The following ADRA1B variants were observed in gnomAD, a reference collection of about 807,000 sequenced individuals.
ADRA1B encodes the protein adrenoceptor alpha 1B.
In ADRA1B, 17 loss-of-function variants were observed where a neutral mutation model predicts 17.9. The ratio of observed to expected loss-of-function variants is 0.95; its 90% CI spans 0.65 to 1.42. ADRA1B has a LOEUF of 1.42. ADRA1B is among the 40% of genes most tolerant of loss of function. ADRA1B has a pLI of 0.00. For missense variants in ADRA1B, 681 were observed against 722.1 expected (o/e 0.94, Z 0.65); for synonymous variants, 366 against 327.6 (o/e 1.12, Z -1.27).
intron 1 of ADRA1B, among the ~76,000 whole-genome samples, chr5:159,898,261 A>T (rs1391816813): frequency 6.6e-6 from 1 of 152,184 alleles, no homozygotes; most frequent in African/African-American, 2.4e-5. Context: ...CCTGCATATC[A>T]CTGGTTCCCT....
chr5:159,945,761 T>C (rs1276036238), intron 1 of ADRA1B, among the ~76,000 whole-genome samples: 1 of 151,382 alleles, frequency 6.6e-6, no homozygotes, highest in East Asian at 1.9e-4. Context: ...TGTTTTTTTT[T>C]TTTTGAGACG....
chr5:159,971,879 GCTCCTTGTTCTCCACCCTGAAGCCCC>G lies in ADRA1B; in HGVS notation c.952_977del (p.Ser318ArgfsTer134). On this transcript the variant is annotated frameshift_variant and splice_region_variant, in exon 2 of 2. Transcript: ENST00000306675. LOFTEE classifies it low-confidence loss of function (END_TRUNC). ...GTGCCCACCCCCCTCCCCACTGCAG[GCTCCTTGTTCTCCACCCTGAAGCCCC>G]CCGACGCCGTGTTCAAGGTGGTGTT... is the stretch of plus-strand genomic sequence containing the variant. 1 of 1,328,032 alleles carries G rather than the reference GCTCCTTGTTCTCCACCCTGAAGCCCC, an allele frequency of 7.5e-7. No individual in the cohort carries two copies. The allele number at this position is 1,328,032 out of a possible 1,614,324, so 82.3% of individuals were successfully genotyped here. A position where few individuals can be genotyped will look rare whatever the true frequency, so the allele number is the denominator to read the frequency against.
intron 1 of ADRA1B, among the ~76,000 whole-genome samples, chr5:159,889,312 G>A (rs1275860826): frequency 6.6e-6 from 1 of 152,056 alleles, no homozygotes; most frequent in East Asian, 1.9e-4. Flanking sequence ...TCCAATTCAA[G>A]GTCTATCCTC....
At chr5:159,910,356 C>T (rs1007422728) in intron 1 of ADRA1B, among the ~76,000 whole-genome samples, 1 of 152,222 alleles carries the variant, frequency 6.6e-6, no homozygotes, top group African/African-American at 2.4e-5. Context: ...GGGATTCAAA[C>T]TCAGAATCTG....
At chr5:159,916,262 G>C (rs1283536648), upstream of ADRA1B, 2 of 151,262 alleles carry the variant, frequency 1.3e-5, no homozygotes, top group Non-Finnish European at 3.0e-5. Context: ...AGGGGTGGGT[G>C]ACCCGCGATC....
intron 1 of ADRA1B, among the ~76,000 whole-genome samples, chr5:159,906,842 G>A (rs550102942): frequency 6.6e-6 from 1 of 152,302 alleles, no homozygotes; most frequent in South Asian, 2.1e-4. Context: ...GAGAGCTCCA[G>A]ACTGAATACT....
At chr5:159,973,264 G>C (rs1319505029), downstream of ADRA1B, among the ~76,000 whole-genome samples, 1 of 152,184 alleles carries the variant, frequency 6.6e-6, no homozygotes, top group African/African-American at 2.4e-5. Flanking sequence ...GGCTGAACGT[G>C]ACGCCCTGGA....
At chr5:159,924,299 G>A (rs569232516) in intron 1 of ADRA1B, among the ~76,000 whole-genome samples, 1 of 152,278 alleles carries the variant, frequency 6.6e-6, no homozygotes, top group South Asian at 2.1e-4. Context: ...GCGTGTGTAT[G>A]TGTGTGTTGA....
chr5:159,909,220 A>G lies in ADRA1B; in HGVS notation c.-255-6899A>G, dbSNP rs189847736. ...GCTCCCCGTTCCCAAGTCATGCCAC[A>G]TGCTATTTCCCAAGCAAGCCCACAC... On this transcript the variant is annotated intron_variant, in intron 1 of 2. Coordinates refer to the ADRA1B transcript ENST00000641205. Among the ~76,000 whole-genome samples the G allele has an allele frequency of 1.1e-3, 164 of 152,236 alleles. 1 individual carries two copies. The highest frequency in any genetic ancestry group is 3.7e-3 in the African/African-American group (154 of 41,540).
At chr5:159,934,411 C>T (rs563524784) in intron 1 of ADRA1B, among the ~76,000 whole-genome samples, 22 of 152,200 alleles carry the variant, frequency 1.4e-4, no homozygotes, top group African/African-American at 5.3e-4. Flanking sequence ...CGCCTTCCCA[C>T]CCCCTCGTCT....
chr5:159,944,081 C>A (rs530291789), intron 1 of ADRA1B, among the ~76,000 whole-genome samples: 4 of 152,204 alleles, frequency 2.6e-5, no homozygotes, highest in Non-Finnish European at 4.4e-5. Context: ...CTTACAGAGA[C>A]CATTTTCACC....
upstream of ADRA1B, chr5:159,916,064 C>T (rs1307815277): frequency 1.3e-5 from 2 of 152,318 alleles, no homozygotes; most frequent in African/African-American, 4.8e-5. Flanking sequence ...GGCCTCAGAT[C>T]CGACTCAAGT....
intron 1 of ADRA1B, among the ~76,000 whole-genome samples, chr5:159,889,014 T>C (rs984007613): frequency 6.6e-6 from 1 of 152,230 alleles, no homozygotes. Context: ...TGAGCTTCTA[T>C]GACTGAAGAC....
upstream of ADRA1B, among the ~76,000 whole-genome samples, chr5:159,911,573 G>C (rs1178801019): frequency 6.6e-6 from 1 of 152,180 alleles, no homozygotes; most frequent in African/African-American, 2.4e-5. Flanking sequence ...TGCCTTACCA[G>C]GGAGTGCTGT....
chr5:159,884,634 A>C (rs2113094000), intron 1 of ADRA1B, among the ~76,000 whole-genome samples: 1 of 152,370 alleles, frequency 6.6e-6, no homozygotes, highest in South Asian at 2.1e-4. Context: ...AAACAGACTA[A>C]GACAGGTTGT....
At chr5:159,966,011 G>C (rs1418323837) in intron 1 of ADRA1B, among the ~76,000 whole-genome samples, 3 of 151,968 alleles carry the variant, frequency 2.0e-5, no homozygotes, top group African/African-American at 7.3e-5. Context: ...CTGACCTCAG[G>C]TAATCCGCCC....
chr5:159,888,658 G>T (rs1325538265), intron 1 of ADRA1B, among the ~76,000 whole-genome samples: 2 of 152,090 alleles, frequency 1.3e-5, no homozygotes, highest in Non-Finnish European at 2.9e-5. Flanking sequence ...ACTGCAGAAA[G>T]CACCTACCCC....
At chr5:159,900,809 G>T (rs1437780339) in intron 1 of ADRA1B, among the ~76,000 whole-genome samples, 1 of 152,236 alleles carries the variant, frequency 6.6e-6, no homozygotes, top group Non-Finnish European at 1.5e-5. Flanking sequence ...GGACAGACAG[G>T]CTAAGGACCA....
rs574869759 is a variant in ADRA1B, at chr5:159,957,091, C to T, written c.950-14788C>T. 2.3e-4 allele frequency among the ~76,000 whole-genome samples: 35 copies of T among 152,182 alleles called. No individual in the cohort carries two copies. The South Asian group carries it at 4.8e-3, about 21-fold the overall frequency. Reference sequence around the variant, plus strand: ...TTCACCATGTTGGCCAGGCTGGACTCGAACTCCTGACCTCAAGTGATCCGC... The same window carrying T: ...TTCACCATGTTGGCCAGGCTGGACTTGAACTCCTGACCTCAAGTGATCCGC... On this transcript the variant is annotated intron_variant, in intron 1 of 1. Transcript: ENST00000306675.
Sources: allele counts gnomAD v4.1 joint callset (sites outside exome capture counted in the v4.1 genomes callset), GRCh38; gene constraint gnomAD v4.1.1; transcripts MANE v1.5; gene names NCBI Gene and HGNC (gene_info 2026-07-23, HGNC 2026-07-21).